DYM: variants seen among roughly 807,000 people sequenced by gnomAD.
DYM encodes the protein dymeclin, also known as dyggve-Melchior-Clausen syndrome protein.
DYM carries 78 observed loss-of-function variants against 93.1 expected under a neutral mutation model. The observed-to-expected ratio is 0.84, with a 90% CI of 0.70 to 1.01. The LOEUF is 1.01. DYM is among the 50% of genes least tolerant of loss of function. The probability of loss-of-function intolerance (pLI) is 0.00; values close to 1 mark genes in which losing one functional copy is unlikely to be tolerated. For synonymous variants in DYM, 321 were observed against 319.7 expected (o/e 1.00, Z -0.04); for missense variants, 789 against 845.0 (o/e 0.93, Z 0.82).
In DYM at chr18:49,118,863, G is replaced by A. The variant is rs758909099; in HGVS notation, c.1792C>T (p.Leu598=). The change falls in exon 16 of 18, where the codon CTG becomes TTG. Residue 598 remains leucine, a synonymous_variant. Transcript: ENST00000675505. ...RMMLEIINSC[L]TNSLHHNPNL... ...GGGTTGTGGTGAAGGGAATTTGTCA[G>A]GCAGGAGTTGATGATCTCTAACATC... 42 of 1,613,984 alleles carry A rather than the reference G, an allele frequency of 2.6e-5. No homozygotes were observed. The Admixed American group carries it at 6.8e-4, about 26-fold the overall frequency.
chr18:49,263,272 G>C (rs985743071), intron 11 of DYM, among the ~76,000 whole-genome samples: 1 of 151,522 alleles, frequency 6.6e-6, no homozygotes, highest in African/African-American at 2.4e-5. Context: ...GCACCCACCA[G>C]CACACTCGGC....
chr18:49,410,270 A>G (rs1236595819), intron 2 of DYM, among the ~76,000 whole-genome samples: 1 of 151,994 alleles, frequency 6.6e-6, no homozygotes. Flanking sequence ...TATGTTGCCC[A>G]GGCTAGTCTA....
intron 14 of DYM, among the ~76,000 whole-genome samples, chr18:49,190,399 A>G (rs778796812): frequency 2.0e-5 from 3 of 152,200 alleles, no homozygotes; most frequent in Non-Finnish European, 4.4e-5. Flanking sequence ...AGGATATCAC[A>G]TGAAACTTAA....
intron 14 of DYM, among the ~76,000 whole-genome samples, chr18:49,205,658 A>G (rs1304173590): frequency 6.6e-6 from 1 of 152,322 alleles, no homozygotes; most frequent in East Asian, 1.9e-4. Context: ...TGGCCAAGGT[A>G]TTTAAGCTGA....
intron 14 of DYM, among the ~76,000 whole-genome samples, chr18:49,170,233 A>G (rs2088488668): frequency 6.6e-6 from 1 of 152,176 alleles, no homozygotes; most frequent in Non-Finnish European, 1.5e-5. Context: ...TTGCCCAGGC[A>G]CACAGCTAAG....
At chr18:49,062,537 G>A (rs2076067465) in intron 17 of DYM, among the ~76,000 whole-genome samples, 1 of 152,210 alleles carries the variant, frequency 6.6e-6, no homozygotes, top group African/African-American at 2.4e-5. Context: ...GAGCCCTTAA[G>A]ATTCCCGAGA....
intron 8 of DYM, among the ~76,000 whole-genome samples, chr18:49,307,157 A>G (rs2061323292): frequency 2.6e-5 from 4 of 152,100 alleles, no homozygotes; most frequent in Admixed American, 1.3e-4. Flanking sequence ...GCCTTCATCT[A>G]CTATATGTTA....
At chr18:49,326,992 CGTGTGTGTGTGTGTGTGTGTGT>C (rs10584298) in intron 8 of DYM, among the ~76,000 whole-genome samples, 5 of 93,312 alleles carry the variant, frequency 5.4e-5, no homozygotes, top group Non-Finnish European at 1.0e-4. Context: ...TTTAAAAAAC[CGTGTGTGTGTGTGTGTGTGTGT>C]GTGTGTGTGT....
intron 13 of DYM, among the ~76,000 whole-genome samples, chr18:49,246,214 C>A (rs12326672): frequency 0.2 from 30,706 of 152,204 alleles, 3,156 homozygotes; most frequent in East Asian, 0.27. Context: ...AGGAAGCATT[C>A]TCTCTTCCCT....
At chr18:49,228,660 A>C (rs1428372992) in intron 13 of DYM, among the ~76,000 whole-genome samples, 1 of 152,138 alleles carries the variant, frequency 6.6e-6, no homozygotes, top group East Asian at 1.9e-4. Flanking sequence ...TTTAAATCAA[A>C]ATCCGCAATA....
intron 2 of DYM, among the ~76,000 whole-genome samples, chr18:49,408,445 T>G (rs1222343988): frequency 8.5e-5 from 13 of 152,238 alleles, no homozygotes; most frequent in Non-Finnish European, 7.3e-5. Context: ...AATCTGGAAG[T>G]GCAATTGCTA....
At chr18:49,334,275 T>C (rs2063516525) in intron 6 of DYM, among the ~76,000 whole-genome samples, 1 of 151,710 alleles carries the variant, frequency 6.6e-6, no homozygotes, top group Admixed American at 6.6e-5. Context: ...CCTTTTCATG[T>C]TGATGATCAC....
At chr18:49,414,553 C>T (rs925351976) in intron 2 of DYM, among the ~76,000 whole-genome samples, 2 of 152,082 alleles carry the variant, frequency 1.3e-5, no homozygotes, top group Admixed American at 6.6e-5. Context: ...TTATTTGTTT[C>T]GTGTTGGCTG....
chr18:49,325,645 T>C (rs2062826150), intron 8 of DYM, among the ~76,000 whole-genome samples: 1 of 152,120 alleles, frequency 6.6e-6, no homozygotes, highest in South Asian at 2.1e-4. Context: ...AAACTACAGA[T>C]CTGGAAAAGG....
intron 16 of DYM, among the ~76,000 whole-genome samples, chr18:49,100,523 T>C (rs2080027343): frequency 6.6e-6 from 1 of 152,122 alleles, no homozygotes; most frequent in South Asian, 2.1e-4. Flanking sequence ...TGAAGCTGGG[T>C]TTCCAACTAA....
intron 8 of DYM, among the ~76,000 whole-genome samples, chr18:49,300,439 A>G (rs999739717): frequency 6.6e-6 from 1 of 151,910 alleles, no homozygotes; most frequent in Admixed American, 6.6e-5. Context: ...ATCTCTACTA[A>G]AACACTAAAA....
chr18:49,428,803 T>C (rs751803442), intron 2 of DYM, among the ~76,000 whole-genome samples: 13 of 152,208 alleles, frequency 8.5e-5, no homozygotes, highest in Non-Finnish European at 1.8e-4. Context: ...AAATTGGTGA[T>C]TGTTACACAA....
chr18:49,039,123 G>A lies in DYM; in HGVS notation c.*4932C>T, dbSNP rs926945271. Among the ~76,000 whole-genome samples the A allele has an allele frequency of 1.3e-5, 2 of 152,082 alleles. No individual in the cohort carries two copies. Among genetic ancestry groups the A allele is most frequent in the Admixed American group, 6.5e-5 (1 of 15,268 alleles). On this transcript the variant is annotated 3_prime_UTR_variant, in exon 18 of 18. Coordinates refer to ENST00000675505, the MANE Select transcript of DYM (RefSeq NM_001353214.3). ...GGCGTGCTGATTAATTCTTCTAGCT[G>A]TTTCTCTAAAAATGTCTTCATATCC...
chr18:49,345,683 CT>C (rs2064530355), intron 6 of DYM, among the ~76,000 whole-genome samples: 1 of 152,002 alleles, frequency 6.6e-6, no homozygotes, highest in Non-Finnish European at 1.5e-5. Flanking sequence ...ACTAAATCAG[CT>C]TATAGATCCT....
Sources: allele counts gnomAD v4.1 joint callset (sites outside exome capture counted in the v4.1 genomes callset), GRCh38; gene constraint gnomAD v4.1.1; transcripts MANE v1.5; gene names NCBI Gene and HGNC (gene_info 2026-07-23, HGNC 2026-07-21).